PCDH15: variants seen among roughly 807,000 people sequenced by gnomAD.
The protein encoded by PCDH15 is protocadherin related 15, also known as protocadherin-15.
PCDH15 carries 129 observed loss-of-function variants against 178.5 expected under a neutral mutation model. That is an observed-to-expected ratio of 0.72 (90% CI 0.63 to 0.84). The LOEUF (loss-of-function observed/expected upper bound fraction) is 0.84. PCDH15 is among the 40% of genes least tolerant of loss of function. PCDH15 has a pLI of 0.00. For missense variants in PCDH15, 2,230 were observed against 2,099.9 expected, an observed-to-expected ratio of 1.06 and a Z score of -1.21; for synonymous variants, 800 against 732.0, an observed-to-expected ratio of 1.09 and a Z score of -1.50.
intron 3 of PCDH15, among the ~76,000 whole-genome samples, chr10:54,448,291 C>T (rs1307729480): frequency 6.6e-6 from 1 of 151,658 alleles, no homozygotes; most frequent in Non-Finnish European, 1.5e-5. Context: ...TCATCAGGAG[C>T]TGTGACATGC....
chr10:54,108,907 C>T (rs1429163606), intron 15 of PCDH15, among the ~76,000 whole-genome samples: 1 of 152,120 alleles, frequency 6.6e-6, no homozygotes, highest in Non-Finnish European at 1.5e-5. Flanking sequence ...AAACCTCTGC[C>T]TTGAAGAGAA....
At chr10:54,888,549 T>C (rs926641268) in intron 3 of PCDH15, among the ~76,000 whole-genome samples, 1 of 151,992 alleles carries the variant, frequency 6.6e-6, no homozygotes, top group Admixed American at 6.6e-5. Flanking sequence ...TTATTTTAGG[T>C]AAATACTTAG....
At chr10:54,920,840 C>A (rs1471669751) in intron 2 of PCDH15, among the ~76,000 whole-genome samples, 2 of 152,018 alleles carry the variant, frequency 1.3e-5, no homozygotes, top group Non-Finnish European at 2.9e-5. Flanking sequence ...TTGAAAACTG[C>A]CAAAAGATTT....
Position 55,228,342 on chromosome 10 carries a change from T to C in PCDH15, c.-155-61691A>G, listed in dbSNP as rs1199511040. The stretch of plus-strand genomic sequence containing the variant: ...GAGAAATAACTCTATAAAAATGTTA[T>C]CTAGGAAGATCAAAAAAAAAATTGT... On this transcript the variant is annotated intron_variant, in intron 1 of 5. Transcript: ENST00000458638. Among the ~76,000 whole-genome samples the C allele has an allele frequency of 5.3e-5, 8 of 151,742 alleles. No individual in the cohort carries two copies. In the East Asian group the frequency reaches 1.2e-3, roughly 22 times the overall value.
chr10:55,269,866 C>G (rs559948450), intron 1 of PCDH15, among the ~76,000 whole-genome samples: 1 of 152,196 alleles, frequency 6.6e-6, no homozygotes, highest in South Asian at 2.1e-4. Flanking sequence ...CATCACATTT[C>G]CCAGTGTCAA....
chr10:55,275,849 A>C (rs1442254738), intron 1 of PCDH15, among the ~76,000 whole-genome samples: 1 of 151,746 alleles, frequency 6.6e-6, no homozygotes, highest in East Asian at 1.9e-4. Context: ...AATCAATTTA[A>C]GGCAAGTTGA....
intron 13 of PCDH15, among the ~76,000 whole-genome samples, chr10:54,163,536 G>A (rs2045923080): frequency 6.6e-6 from 1 of 151,974 alleles, no homozygotes; most frequent in South Asian, 2.1e-4. Context: ...CTTCCACTAG[G>A]CCCCTACTCC....
chr10:54,221,600 CTTTT>C (rs200046291), intron 9 of PCDH15, among the ~76,000 whole-genome samples: 2 of 143,100 alleles, frequency 1.4e-5, no homozygotes, highest in East Asian at 2.0e-4. Flanking sequence ...AGTATGTATT[CTTTT>C]TTTTTTTTTT....
chr10:54,461,528 C>T (rs769976448), intron 3 of PCDH15, among the ~76,000 whole-genome samples: 2 of 152,084 alleles, frequency 1.3e-5, no homozygotes, highest in Non-Finnish European at 1.5e-5. Context: ...CTATAATATT[C>T]GAGCTGCCTA....
intron 2 of PCDH15, among the ~76,000 whole-genome samples, chr10:55,554,339 A>T (rs1166158454): frequency 3.9e-5 from 6 of 152,052 alleles, no homozygotes; most frequent in African/African-American, 1.4e-4. Flanking sequence ...GGTTTTTTAA[A>T]TTTATTAATA....
At chr10:55,413,612 A>T (rs551858389) in intron 2 of PCDH15, among the ~76,000 whole-genome samples, 1 of 151,806 alleles carries the variant, frequency 6.6e-6, no homozygotes, top group African/African-American at 2.4e-5. Flanking sequence ...CAGTTATTCA[A>T]ATAAACGATA....
At chr10:55,076,132 A>T (rs1376290759) in intron 2 of PCDH15, among the ~76,000 whole-genome samples, 4 of 152,082 alleles carry the variant, frequency 2.6e-5, no homozygotes. Flanking sequence ...AAAAAATGAG[A>T]CTTGTTTTGT....
At chr10:54,052,734 G>A (rs1328331360) in intron 18 of PCDH15, among the ~76,000 whole-genome samples, 2 of 151,966 alleles carry the variant, frequency 1.3e-5, no homozygotes, top group Non-Finnish European at 2.9e-5. Flanking sequence ...GGTTTGGGAG[G>A]GGTCAGGGGC....
At chr10:54,663,149 A>T (rs544251880) in intron 2 of PCDH15, among the ~76,000 whole-genome samples, 1 of 152,044 alleles carries the variant, frequency 6.6e-6, no homozygotes, top group African/African-American at 2.4e-5. Flanking sequence ...TAATATATGC[A>T]CAACTTGAAC....
intron 2 of PCDH15, among the ~76,000 whole-genome samples, chr10:55,411,558 G>T (rs1838332996): frequency 6.6e-6 from 1 of 151,908 alleles, no homozygotes; most frequent in African/African-American, 2.4e-5. Flanking sequence ...TTTCCCAGTG[G>T]CTATGAAAAT....
At chr10:54,111,981 A>C (rs1484437596) in intron 15 of PCDH15, among the ~76,000 whole-genome samples, 2 of 130,380 alleles carry the variant, frequency 1.5e-5, no homozygotes, top group African/African-American at 2.9e-5. Flanking sequence ...ACAAAAAAAA[A>C]AAAAAACAAA....
At chr10:55,342,859 T>G (rs2131956898) in intron 2 of PCDH15, among the ~76,000 whole-genome samples, 1 of 152,246 alleles carries the variant, frequency 6.6e-6, no homozygotes, top group South Asian at 2.1e-4. Flanking sequence ...CATCAGGGAC[T>G]TGAGTTTTGT....
intron 1 of PCDH15, among the ~76,000 whole-genome samples, chr10:54,798,369 C>A (rs901761041): frequency 2.2e-4 from 34 of 152,062 alleles, no homozygotes; most frequent in African/African-American, 6.3e-4. Flanking sequence ...ACAACAAAAT[C>A]CCATTACAAA....
intron 3 of PCDH15, among the ~76,000 whole-genome samples, chr10:54,496,089 T>A (rs923630410): frequency 6.6e-6 from 1 of 152,170 alleles, no homozygotes; most frequent in Non-Finnish European, 1.5e-5. Flanking sequence ...CTTGGAAAGA[T>A]GTTTGCCTTG....
Sources: gnomAD v4.1 joint callset for allele counts (sites outside exome capture counted in the v4.1 genomes callset) on GRCh38, gnomAD v4.1.1 for gene constraint, MANE v1.5 for transcripts, NCBI Gene and HGNC (gene_info 2026-07-23, HGNC 2026-07-21) for gene names.